The following FAF1 variants were observed in gnomAD, a reference collection of about 807,000 sequenced individuals.
FAF1 encodes the protein FAS-associated factor 1.
Under a neutral mutation model 92.5 loss-of-function variants are expected in FAF1, and 25 were observed. The ratio of observed to expected loss-of-function variants is 0.27; its 90% CI spans 0.20 to 0.38. FAF1 has a LOEUF of 0.38. FAF1 is among the 10% of genes least tolerant of loss of function. FAF1 has a pLI of 1.00. For synonymous variants in FAF1, 234 were observed against 273.2 expected, an observed-to-expected ratio of 0.86 and a Z score of 1.42; for missense variants, 636 against 793.3, an observed-to-expected ratio of 0.80 and a Z score of 2.38.
intron 13 of FAF1, among the ~76,000 whole-genome samples, chr1:50,565,384 T>C (rs977930128): frequency 2.0e-5 from 3 of 152,100 alleles, no homozygotes; most frequent in African/African-American, 7.2e-5. Context: ...CTATCATACT[T>C]AATAGTCAGT....
intron 7 of FAF1, among the ~76,000 whole-genome samples, chr1:50,660,126 T>C (rs1248056268): frequency 6.6e-6 from 1 of 152,200 alleles, no homozygotes; most frequent in Admixed American, 6.5e-5. Flanking sequence ...CATATTCATC[T>C]CCCACAAACT....
At chr1:50,518,597 C>A (rs1361533225) in intron 15 of FAF1, among the ~76,000 whole-genome samples, 1 of 152,032 alleles carries the variant, frequency 6.6e-6, no homozygotes, top group Non-Finnish European at 1.5e-5. Context: ...CCTCCCACCA[C>A]GTCTGGCTAA....
chr1:50,749,114 T>C (rs781366041), intron 4 of FAF1, among the ~76,000 whole-genome samples: 1 of 152,212 alleles, frequency 6.6e-6, no homozygotes, highest in Admixed American at 6.5e-5. Context: ...ATTCTGTTTA[T>C]GGAAAGAGTA....
chr1:50,640,795 C>T (rs1160391070), intron 8 of FAF1, among the ~76,000 whole-genome samples: 1 of 144,094 alleles, frequency 6.9e-6, no homozygotes, highest in Non-Finnish European at 1.5e-5. Flanking sequence ...GTCTCTTTTT[C>T]TCTTGATCAG....
chr1:50,706,006 C>A (rs1179694696), intron 6 of FAF1, 115 bp from the exon 7 acceptor site: 2 of 579,828 alleles, frequency 3.4e-6, no homozygotes, highest in African/African-American at 1.9e-5. Context: ...CATGTCTGGG[C>A]CCAATGTTAT....
intron 5 of FAF1, among the ~76,000 whole-genome samples, chr1:50,743,144 C>G (rs1659452043): frequency 6.6e-6 from 1 of 152,098 alleles, no homozygotes. Flanking sequence ...TTGCTGCCAC[C>G]TAATCTAAAC....
chr1:50,787,923 T>C, intron 4 of FAF1, 77 bp downstream of exon 4: 2 of 1,309,468 alleles, frequency 1.5e-6, no homozygotes, highest in Non-Finnish European at 2.2e-6. Flanking sequence ...GGTAGTCAAC[T>C]AGAAATAAAA....
intron 2 of FAF1, among the ~76,000 whole-genome samples, chr1:50,831,937 T>C (rs1203648160): frequency 6.6e-6 from 1 of 152,004 alleles, no homozygotes; most frequent in Admixed American, 6.6e-5. Flanking sequence ...CAATAGAGTT[T>C]CACAAGAGCA....
At chr1:50,537,613 T>A (rs1648553297) in intron 14 of FAF1, among the ~76,000 whole-genome samples, 1 of 152,214 alleles carries the variant, frequency 6.6e-6, no homozygotes, top group Admixed American at 6.6e-5. Flanking sequence ...ACCCATTACA[T>A]GTTAATATAA....
intron 2 of FAF1, among the ~76,000 whole-genome samples, chr1:50,837,542 T>C (rs1408699020): frequency 1.3e-5 from 2 of 152,226 alleles, no homozygotes; most frequent in Non-Finnish European, 2.9e-5. Flanking sequence ...GATTTGAATA[T>C]GGATTATATG....
chr1:50,491,162 A>G (rs1481447974), intron 16 of FAF1, among the ~76,000 whole-genome samples: 1 of 152,128 alleles, frequency 6.6e-6, no homozygotes, highest in East Asian at 1.9e-4. Flanking sequence ...TGGCTCTCCA[A>G]AAAAAACCTG....
At chr1:50,783,370 C>T (rs1395297550) in intron 4 of FAF1, among the ~76,000 whole-genome samples, 1 of 152,186 alleles carries the variant, frequency 6.6e-6, no homozygotes, top group Non-Finnish European at 1.5e-5. Context: ...GCCAGCATTA[C>T]ATCAATACCA....
chr1:50,612,753 G>A (rs1186893015), intron 8 of FAF1, among the ~76,000 whole-genome samples: 1 of 152,180 alleles, frequency 6.6e-6, no homozygotes, highest in Non-Finnish European at 1.5e-5. Context: ...ACTATACCAT[G>A]TTAGGCACAC....
intron 1 of FAF1, among the ~76,000 whole-genome samples, chr1:50,929,071 CAAA>C (rs59078269): frequency 5.4e-5 from 2 of 36,832 alleles, no homozygotes; most frequent in Admixed American, 2.5e-4. Flanking sequence ...GACACTGTCT[CAAA>C]AAAAAAAAAA....
chr1:50,463,257 C>A (rs1034975207), intron 18 of FAF1, among the ~76,000 whole-genome samples: 2 of 152,174 alleles, frequency 1.3e-5, no homozygotes, highest in Non-Finnish European at 2.9e-5. Flanking sequence ...TAATTAAACA[C>A]GTCCTGTATG....
chr1:50,579,403 T>C lies in FAF1; in HGVS notation c.1113+3215A>G, dbSNP rs540336928. Among the ~76,000 whole-genome samples the C allele has an allele frequency of 2.6e-5, 4 of 152,242 alleles. No homozygotes were observed. The East Asian group carries it at 7.7e-4, about 29-fold the overall frequency. On this transcript the variant is annotated intron_variant, in intron 12 of 18. Transcript: ENST00000396153. ...AAGGCTGTGACATTTTCTGGTTACT[T>C]CAACTACTGGTAAGCAGAGAAATGC...
At chr1:50,595,203 C>A (rs903280747) in intron 9 of FAF1, among the ~76,000 whole-genome samples, 56 of 151,790 alleles carry the variant, frequency 3.7e-4, no homozygotes, top group African/African-American at 1.3e-3. Context: ...TAAAGGAATG[C>A]GCCACCACAC....
chr1:50,863,989 G>A (rs1454556768), intron 1 of FAF1, among the ~76,000 whole-genome samples: 9 of 151,822 alleles, frequency 5.9e-5, no homozygotes, highest in Admixed American at 2.0e-4. Flanking sequence ...GTTTATTTGC[G>A]TAGAGGTGTT....
chr1:50,532,748 T>C (rs1321014340), intron 15 of FAF1, among the ~76,000 whole-genome samples: 1 of 152,182 alleles, frequency 6.6e-6, no homozygotes, highest in Non-Finnish European at 1.5e-5. Flanking sequence ...CTCCAAATTT[T>C]CATATTTGTT....
Sources: allele counts gnomAD v4.1 joint callset (sites outside exome capture counted in the v4.1 genomes callset), GRCh38; gene constraint gnomAD v4.1.1; transcripts MANE v1.5; gene names NCBI Gene and HGNC (gene_info 2026-07-23, HGNC 2026-07-21).